The following TRMU variants were observed in gnomAD, a reference collection of about 807,000 sequenced individuals.
TRMU encodes the protein mitochondrial tRNA-specific 2-thiouridylase 1.
In TRMU, 49 loss-of-function variants were observed where a neutral mutation model predicts 46.9. The ratio of observed to expected loss-of-function variants is 1.05; its 90% CI spans 0.83 to 1.33. The LOEUF is 1.33. TRMU is among the 40% of genes most tolerant of loss of function. The pLI is 0.00. For synonymous variants in TRMU, 241 were observed against 200.9 expected (o/e 1.20, Z -1.69); for missense variants, 572 against 532.4 (o/e 1.07, Z -0.73).
rs2078341045 is a variant in TRMU at position 46,349,241 on chromosome 22, C to A, written c.479-1050C>A. On this transcript the variant is annotated intron_variant, in intron 4 of 10. Transcript: ENST00000645190. This position sits in a 1 kb window ranked among gnomAD's most constrained non-coding sequence, Gnocchi z 4.6. The stretch of plus-strand genomic sequence containing the variant: ...CACTCAGTTCTGCTGTTTGTACCTG[C>A]CAAGTAAGGGAGGGGGACTCGGGAG... Among the ~76,000 whole-genome samples, 1 of 152,152 alleles carries A rather than the reference C, an allele frequency of 6.6e-6. No individual in the cohort carries two copies. The highest frequency in any genetic ancestry group is 2.4e-5 in the African/African-American group (1 of 41,444).
At position 46,357,125 on chromosome 22, in the gene TRMU, G is replaced by C. The variant is rs2078638186; in HGVS notation, c.*119G>C. The C allele has an allele frequency of 6.9e-7, 1 of 1,454,254 alleles. No homozygotes were observed. Among genetic ancestry groups the C allele is most frequent in the African/African-American group, 1.4e-5 (1 of 71,276 alleles). 90.1% of individuals were successfully genotyped at this position (1,454,254 alleles called of 1,614,324 possible). ...GCCCAAAGCAGAGGAAGCCGGGCTG[G>C]CTGAGGGTCCGAAAAGCCTGCAGGG... is the stretch of plus-strand genomic sequence containing the variant. On this transcript the variant is annotated 3_prime_UTR_variant, in exon 11 of 11. Transcript: ENST00000645190.
Position 46,348,304 on chromosome 22 carries a change from C to T in TRMU, c.478+1760C>T, listed in dbSNP as rs375277328. Among the ~76,000 whole-genome samples, 6 of 152,208 alleles carry T rather than the reference C, an allele frequency of 3.9e-5. No individual in the cohort carries two copies. The highest frequency in any genetic ancestry group is 9.7e-5 in the African/African-American group (4 of 41,450). ...ACCTTTATTATAGGCCACGTGCCCT[C>T]GGAAACTTGGGACAGTACTGATGCG... is the stretch of plus-strand genomic sequence containing the variant. On this transcript the variant is annotated intron_variant, in intron 4 of 10. Coordinates refer to ENST00000645190, the MANE Select transcript of TRMU (RefSeq NM_018006.5). This position sits in a 1 kb window ranked among gnomAD's most constrained non-coding sequence, Gnocchi z 4.8.
intron 8 of TRMU, 82 bp downstream of exon 8, chr22:46,353,949 C>G: frequency 7.6e-7 from 1 of 1,322,074 alleles, no homozygotes; most frequent in Admixed American, 1.8e-5. Context: ...CTTGAGAAGG[C>G]CTCCAGCAGC....
In TRMU at chr22:46,350,377, A is replaced by ATC; in HGVS notation, c.567_568dup (p.Phe190SerfsTer7). Reference sequence around the variant, plus strand: ...TTCCCAGGATGCCCTGAGGAGAACCATCTTCCCTCTGGGGGGATTAACGAA... The same window carrying ATC: ...TTCCCAGGATGCCCTGAGGAGAACCATCTCTTCCCTCTGGGGGGATTAACGAA... On this transcript the variant is annotated frameshift_variant, in exon 5 of 11. Transcript: ENST00000645190. LOFTEE classifies it high-confidence loss of function. The surrounding 1 kb of genome is among the most constrained non-coding windows in gnomAD (Gnocchi z 4.6). The ATC allele has an allele frequency of 6.2e-7, 1 of 1,614,236 alleles. No homozygotes were observed. The highest frequency in any genetic ancestry group is 8.5e-7 in the Non-Finnish European group (1 of 1,180,034).
Position 46,356,007 on chromosome 22 carries a change from CTCAA to C in TRMU, c.1041_1044del (p.Asn347LysfsTer7). ...CTACCCAGTGCCCTGTGTGCTGACC[CTCAA>C]TCAAGATGGCACCGTGTGGGTGACA... On this transcript the variant is annotated frameshift_variant, in exon 10 of 11. Transcript: ENST00000645190. LOFTEE classifies it high-confidence loss of function. 6 of 1,613,998 alleles carry C rather than the reference CTCAA, an allele frequency of 3.7e-6. No individual in the cohort carries two copies. The highest frequency in any genetic ancestry group is 5.1e-6 in the Non-Finnish European group (6 of 1,179,994).
At chr22:46,343,670 C>T (rs1381179956) in intron 3 of TRMU, among the ~76,000 whole-genome samples, 4 of 152,212 alleles carry the variant, frequency 2.6e-5, no homozygotes, top group African/African-American at 9.6e-5. Flanking sequence ...GCCCCTGTGC[C>T]TAGCCTGTTT....
chr22:46,346,363 G>C, intron 3 of TRMU, 59 bp from the exon 4 acceptor site: 1 of 1,590,660 alleles, frequency 6.3e-7, no homozygotes, highest in African/African-American at 1.3e-5. Context: ...GGTTTATGCT[G>C]ATCAAGGCCT....
chr22:46,352,527 GT>G (rs2078463452), intron 7 of TRMU, 197 bp downstream of exon 7: 9 of 658,190 alleles, frequency 1.4e-5, no homozygotes, highest in Non-Finnish European at 1.9e-5. Flanking sequence ...ACTTCCAGAT[GT>G]GGCCTCAGCT....
Position 46,350,400 on chromosome 22 carries a change from G to T in TRMU, c.588G>T (p.Thr196=). 1 of 1,614,198 alleles carries T rather than the reference G, an allele frequency of 6.2e-7. No individual in the cohort carries two copies. The highest frequency in any genetic ancestry group is 8.5e-7 in the Non-Finnish European group (1 of 1,180,034). ...RRTIFPLGGL[T]KEFVKKIAAE... ...CCATCTTCCCTCTGGGGGGATTAAC[G>T]AAAGAGTTTGTAAAGAAAATCGCTG... Residue 196 remains threonine (T), a synonymous_variant, in exon 5 of 11, where the codon ACG becomes ACT. Transcript: ENST00000645190. The surrounding 1 kb of genome is among the most constrained non-coding windows in gnomAD (Gnocchi z 4.6).
chr22:46,353,681 C>A, intron 7 of TRMU, 86 bp from the exon 8 acceptor site: 1 of 1,269,186 alleles, frequency 7.9e-7, no homozygotes, highest in Non-Finnish European at 1.1e-6. Flanking sequence ...TCTGGGCTGC[C>A]CTCCCAGCAT....
rs1043005275 is a variant in TRMU at position 46,342,813 on chromosome 22, C to G, written c.249-449C>G. On this transcript the variant is annotated intron_variant, in intron 2 of 10. Transcript: ENST00000645190. The surrounding 1 kb of genome is among the most constrained non-coding windows in gnomAD (Gnocchi z 4.7). Reference sequence around the variant, plus strand: ...TCTCTACTAAAAATACAAAAATTATCTGGGCATGGTGCTGCGCACCTGTAA... The same window carrying G: ...TCTCTACTAAAAATACAAAAATTATGTGGGCATGGTGCTGCGCACCTGTAA... Among the ~76,000 whole-genome samples, 1 of 152,272 alleles carries G rather than the reference C, an allele frequency of 6.6e-6. No individual in the cohort carries two copies. Among genetic ancestry groups the G allele is most frequent in the Non-Finnish European group, 1.5e-5 (1 of 68,048 alleles).
chr22:46,341,610 G>A (rs2078124940), intron 2 of TRMU, among the ~76,000 whole-genome samples: 1 of 151,832 alleles, frequency 6.6e-6, no homozygotes, highest in African/African-American at 2.4e-5. Context: ...GAGAGTTTTA[G>A]GTTAAATGAA....
At chr22:46,335,998 T>A in intron 1 of TRMU, 152 bp downstream of exon 1, 1 of 1,453,310 alleles carries the variant, frequency 6.9e-7, no homozygotes, top group Non-Finnish European at 9.1e-7. Flanking sequence ...TGACTTTGGT[T>A]CGGAGGCTCC....
In TRMU at chr22:46,336,247, C is replaced by A; in HGVS notation, c.82+401C>A. 2 of 715,464 alleles carry A rather than the reference C, an allele frequency of 2.8e-6. No individual in the cohort carries two copies. The highest frequency in any genetic ancestry group is 3.5e-6 in the Non-Finnish European group (2 of 564,008). 44.3% of individuals were successfully genotyped at this position (715,464 alleles called of 1,614,324 possible). Reference sequence around the variant, plus strand: ...GCCGGGGGCCTGACCTCTGCACACGCTGTGGCCGCCCGGTGGGAGGTCCTT... The same window carrying A: ...GCCGGGGGCCTGACCTCTGCACACGATGTGGCCGCCCGGTGGGAGGTCCTT... On this transcript the variant is annotated intron_variant, in intron 1 of 10. Transcript: ENST00000645190. The surrounding 1 kb of genome is among the most constrained non-coding windows in gnomAD (Gnocchi z 4.1).
chr22:46,337,836 T>A lies in TRMU; in HGVS notation c.140T>A (p.Val47Asp). Residue 47 changes from valine (V) to aspartate (D), a missense_variant, in exon 2 of 11, where the codon GTC becomes GAC. Val to Asp is a radical substitution (Grantham distance 152). Coordinates refer to ENST00000645190, the MANE Select transcript of TRMU (RefSeq NM_018006.5). ...TGGGACTCACTGGATGAACATGGGG[T>A]CTGTACTGCCGACAAAGACTGTGAA... ...KNWDSLDEHGVCTADKDCEDA... is the reference protein window; with the variant it reads ...KNWDSLDEHGDCTADKDCEDA... 6.2e-7 allele frequency: 1 copy of A among 1,614,154 alleles called. No individual in the cohort carries two copies. The highest frequency in any genetic ancestry group is 8.5e-7 in the Non-Finnish European group (1 of 1,180,036).
At position 46,338,928 on chromosome 22, in the gene TRMU, C is replaced by T. The variant is rs1237167608; in HGVS notation, c.248+984C>T. 6.6e-6 allele frequency among the ~76,000 whole-genome samples: 1 copy of T among 152,140 alleles called. No homozygotes were observed. The highest frequency in any genetic ancestry group is 1.5e-5 in the Non-Finnish European group (1 of 68,034). ...TCCTGACTGTAGCTTATTATATGACCTTGGGCAATTTACTTGACTTTGTTT... is the reference window on the plus strand; with the variant it reads ...TCCTGACTGTAGCTTATTATATGACTTTGGGCAATTTACTTGACTTTGTTT... On this transcript the variant is annotated intron_variant, in intron 2 of 10. Coordinates refer to ENST00000645190, the MANE Select transcript of TRMU (RefSeq NM_018006.5). The surrounding 1 kb of genome is among the most constrained non-coding windows in gnomAD (Gnocchi z 4.5).
chr22:46,343,348 A>C lies in TRMU; in HGVS notation c.335A>C (p.His112Pro), dbSNP rs535211377. The C allele has an allele frequency of 6.2e-7, 1 of 1,613,826 alleles. No individual in the cohort carries two copies. The highest frequency in any genetic ancestry group is 1.3e-5 in the African/African-American group (1 of 74,998). The change falls in exon 3 of 11, where the codon CAT becomes CCT. Residue 112 changes from histidine (H) to proline (P), a missense_variant. By Grantham distance (77) the His-to-Pro change is moderately conservative (BLOSUM62 -2). Coordinates refer to ENST00000645190, the MANE Select transcript of TRMU (RefSeq NM_018006.5). Reference protein sequence around the residue: ...NKHIKFSCFFHYAVDNLGADA... With the variant: ...NKHIKFSCFFPYAVDNLGADA... ...CACATCAAATTTAGTTGCTTTTTTC[A>C]TTATGCTGTGGATAATCTTGGTAAG...
At position 46,350,203 on chromosome 22, in the gene TRMU, T is replaced by C; in HGVS notation, c.479-88T>C. 6.6e-7 allele frequency: 1 copy of C among 1,506,740 alleles called. No individual in the cohort carries two copies. The highest frequency in any genetic ancestry group is 9.2e-7 in the Non-Finnish European group (1 of 1,086,940). The allele number at this position is 1,506,740 out of a possible 1,614,324, so 93.3% of individuals were successfully genotyped here. A position where few individuals can be genotyped will look rare whatever the true frequency, so the allele number is the denominator to read the frequency against. On this transcript the variant is annotated intron_variant, in intron 4 of 10. Transcript: ENST00000645190. The surrounding 1 kb of genome is among the most constrained non-coding windows in gnomAD (Gnocchi z 4.6). The stretch of plus-strand genomic sequence containing the variant: ...TCTGCCTCTGACAGGCTAGGGGTAG[T>C]CTGTCTAAGTGAACAGAAGGACATT...
In TRMU at chr22:46,357,179, C is replaced by T; in HGVS notation, c.*173C>T. On this transcript the variant is annotated 3_prime_UTR_variant, in exon 11 of 11. Transcript: ENST00000645190. ...CGGCGAGCCCCAGGAAGAGCCTCAG[C>T]TCCAGGCTGGGGCTCTGGCTGCTGG... The T allele has an allele frequency of 1.2e-6, 1 of 857,860 alleles. No homozygotes were observed. The highest frequency in any genetic ancestry group is 1.8e-6 in the Non-Finnish European group (1 of 547,118). 53.1% of individuals were successfully genotyped at this position (857,860 alleles called of 1,614,324 possible).
Sources: gnomAD v4.1 joint callset for allele counts (sites outside exome capture counted in the v4.1 genomes callset) on GRCh38, gnomAD v4.1.1 for gene constraint, Gnocchi (gnomAD v3.1) non-coding constraint, MANE v1.5 for transcripts, NCBI Gene and HGNC (gene_info 2026-07-23, HGNC 2026-07-21) for gene names.